The following SLC24A2 variants were observed in gnomAD, a reference collection of about 807,000 sequenced individuals.
The protein encoded by SLC24A2 is sodium/potassium/calcium exchanger 2.
In SLC24A2, 36 loss-of-function variants were observed where a neutral mutation model predicts 62.0. The observed-to-expected ratio is 0.58, with a 90% confidence interval of 0.44 to 0.77. The LOEUF is 0.77. Ranked by LOEUF, SLC24A2 falls within the 30% of genes least tolerant of loss-of-function variation. The pLI is 0.00. For missense variants in SLC24A2, 846 were observed against 817.9 expected, an observed-to-expected ratio of 1.03 and a Z score of -0.42; for synonymous variants, 358 against 294.0, an observed-to-expected ratio of 1.22 and a Z score of -2.23.
the SLC24A2 span, among the ~76,000 whole-genome samples, chr9:19,933,189 C>T: frequency 6.6e-5 from 10 of 152,334 alleles, no homozygotes; most frequent in Non-Finnish European, 1.2e-4. Flanking sequence ...TCTGGAACAT[C>T]ATGTCCTGTA....
At chr9:19,611,897 A>G (rs1837184250) in intron 4 of SLC24A2, among the ~76,000 whole-genome samples, 1 of 152,128 alleles carries the variant, frequency 6.6e-6, no homozygotes, top group Non-Finnish European at 1.5e-5. Flanking sequence ...CTCATCTGAG[A>G]AGCATGACAC....
chr9:19,960,781 A>G, the SLC24A2 span, among the ~76,000 whole-genome samples: 2 of 152,152 alleles, frequency 1.3e-5, no homozygotes, highest in Non-Finnish European at 2.9e-5. Context: ...CTCCTGTGTA[A>G]AAAATGAGGA....
the SLC24A2 span, among the ~76,000 whole-genome samples, chr9:20,037,349 G>A: frequency 1.3e-5 from 2 of 152,198 alleles, no homozygotes; most frequent in Admixed American, 1.3e-4. Context: ...TTGCCTGAAT[G>A]TTTTCGATTT....
At chr9:20,049,619 C>G in the SLC24A2 span, among the ~76,000 whole-genome samples, 5 of 66,272 alleles carry the variant, frequency 7.5e-5, no homozygotes, top group African/African-American at 3.3e-4. Context: ...ACATTTAATC[C>G]AGGTGACTGG....
At chr9:19,752,851 T>G (rs1822026364) in intron 2 of SLC24A2, among the ~76,000 whole-genome samples, 1 of 152,174 alleles carries the variant, frequency 6.6e-6, no homozygotes, top group Non-Finnish European at 1.5e-5. Flanking sequence ...CAAAGTGGTA[T>G]AGATAATAAG....
At chr9:19,565,125 G>A (rs1185037872) in intron 7 of SLC24A2, among the ~76,000 whole-genome samples, 2 of 152,026 alleles carry the variant, frequency 1.3e-5, no homozygotes, top group African/African-American at 2.4e-5. Flanking sequence ...CAATCACGCA[G>A]GAGAAAGAAA....
the SLC24A2 span, among the ~76,000 whole-genome samples, chr9:20,052,663 C>T: frequency 6.6e-6 from 1 of 152,206 alleles, no homozygotes; most frequent in Admixed American, 6.5e-5. Flanking sequence ...GAGGACTCTA[C>T]CTATTCTCCA....
chr9:19,850,719 A>T, the SLC24A2 span, among the ~76,000 whole-genome samples: 1 of 151,888 alleles, frequency 6.6e-6, no homozygotes, highest in South Asian at 2.1e-4. Flanking sequence ...TACAATATGT[A>T]GTGTTTTATA....
rs1819612009 is a variant in SLC24A2 at position 19,678,088 on chromosome 9, C to G, written c.931-55789G>C. 2.0e-5 allele frequency among the ~76,000 whole-genome samples: 3 copies of G among 152,248 alleles called. No homozygotes were observed. The South Asian group carries it at 6.2e-4, about 32-fold the overall frequency. ...CAGATGACTCAACCCCTTTGAGTCT[C>G]TTTCCTCATCCCATCACTCAGGCTA... On this transcript the variant is annotated intron_variant, in intron 2 of 10. Transcript: ENST00000341998.
intron 2 of SLC24A2, among the ~76,000 whole-genome samples, chr9:19,684,753 T>C (rs985398098): frequency 6.6e-6 from 1 of 152,022 alleles, no homozygotes; most frequent in Non-Finnish European, 1.5e-5. Context: ...AGTTCATATC[T>C]GGTTCTTGGT....
the SLC24A2 span, among the ~76,000 whole-genome samples, chr9:19,841,212 G>T: frequency 1.3e-5 from 2 of 152,250 alleles, no homozygotes; most frequent in Middle Eastern, 3.4e-3. Context: ...GTTTTCTGGA[G>T]AAGAGACTAA....
At chr9:20,088,075 C>T in the SLC24A2 span, among the ~76,000 whole-genome samples, 1 of 152,184 alleles carries the variant, frequency 6.6e-6, no homozygotes, top group South Asian at 2.1e-4. Context: ...CACATGGAAC[C>T]ACAGGAGCTT....
chr9:19,697,117 AT>A (rs1820216457), intron 2 of SLC24A2, among the ~76,000 whole-genome samples: 2 of 152,228 alleles, frequency 1.3e-5, no homozygotes, highest in Admixed American at 6.5e-5. Flanking sequence ...AATTAAAAAA[AT>A]AACATGTTAG....
At chr9:19,830,690 G>GCAGACTC in the SLC24A2 span, among the ~76,000 whole-genome samples, 1 of 152,084 alleles carries the variant, frequency 6.6e-6, no homozygotes, top group Non-Finnish European at 1.5e-5. Flanking sequence ...TCTAGACCCG[G>GCAGACTC]CAGACTCCAG....
At chr9:20,030,162 G>T in the SLC24A2 span, among the ~76,000 whole-genome samples, 2 of 152,198 alleles carry the variant, frequency 1.3e-5, no homozygotes, top group African/African-American at 4.8e-5. Flanking sequence ...GGTTCCCCAG[G>T]ACTGGAGGGA....
chr9:20,297,424 A>G, the SLC24A2 span, among the ~76,000 whole-genome samples: 7 of 152,306 alleles, frequency 4.6e-5, no homozygotes, highest in Admixed American at 4.6e-4. Flanking sequence ...TTGAAGGCCA[A>G]GGGGATGGAA....
At chr9:19,822,099 T>C in the SLC24A2 span, among the ~76,000 whole-genome samples, 1 of 152,140 alleles carries the variant, frequency 6.6e-6, no homozygotes, top group East Asian at 1.9e-4. Context: ...CACCAGCTAT[T>C]GTGTGCTGGA....
At chr9:19,778,097 G>T (rs1281975407) in intron 2 of SLC24A2, among the ~76,000 whole-genome samples, 1 of 152,112 alleles carries the variant, frequency 6.6e-6, no homozygotes, top group Non-Finnish European at 1.5e-5. Flanking sequence ...AGTGTCACTT[G>T]TTGTATGCAT....
At chr9:20,053,827 C>T in the SLC24A2 span, among the ~76,000 whole-genome samples, 1 of 152,180 alleles carries the variant, frequency 6.6e-6, no homozygotes, top group Admixed American at 6.5e-5. Flanking sequence ...GAAGCCACCC[C>T]GTGTATGGTA....
Sources: allele counts gnomAD v4.1 joint callset (sites outside exome capture counted in the v4.1 genomes callset), GRCh38; gene constraint gnomAD v4.1.1; transcripts MANE v1.5; gene names NCBI Gene and HGNC (gene_info 2026-07-23, HGNC 2026-07-21).